The following BBS9 variants were observed in gnomAD, a reference collection of about 807,000 sequenced individuals.
The protein encoded by BBS9 is Bardet-Biedl syndrome 9.
BBS9 carries 89 observed loss-of-function variants against 117.7 expected under a neutral mutation model. That is an observed-to-expected ratio of 0.76 (90% CI 0.64 to 0.90). BBS9 has a LOEUF of 0.90. BBS9 is among the 40% of genes least tolerant of loss of function. BBS9 has a pLI of 0.00. For missense variants in BBS9, 982 were observed against 1,042.2 expected (o/e 0.94, Z 0.80); for synonymous variants, 379 against 370.9 (o/e 1.02, Z -0.25).
chr7:33,482,268 G>A (rs1842604091), intron 19 of BBS9, among the ~76,000 whole-genome samples: 1 of 152,200 alleles, frequency 6.6e-6, no homozygotes, highest in Non-Finnish European at 1.5e-5. Context: ...GAGTGGCAGA[G>A]GGAGGGCCTT....
intron 12 of BBS9, among the ~76,000 whole-genome samples, chr7:33,348,374 A>T (rs987897528): frequency 1.3e-5 from 2 of 152,126 alleles, no homozygotes; most frequent in Non-Finnish European, 2.9e-5. Flanking sequence ...AAAATTGCTA[A>T]TGGTTTTTAT....
rs754451024 is a variant in BBS9 at position 33,349,224 on chromosome 7, A to G, written c.1432+54A>G. The G allele has an allele frequency of 3.7e-5, 47 of 1,280,886 alleles. 1 individual carries two copies. The Middle Eastern group carries it at 6.3e-3, about 171-fold the overall frequency. The allele number at this position is 1,280,886 out of a possible 1,614,324, so 79.3% of individuals were successfully genotyped here. The stretch of plus-strand genomic sequence containing the variant: ...ACCATGGTGTGAATTTTTTAAAAAT[A>G]CTAGTTTGTTCATTTAATGGCTATT... On this transcript the variant is annotated intron_variant, in intron 13 of 22. Coordinates refer to ENST00000242067, the MANE Select transcript of BBS9 (RefSeq NM_198428.3).
chr7:33,414,000 G>A (rs773638802), intron 19 of BBS9, among the ~76,000 whole-genome samples: 19 of 151,946 alleles, frequency 1.3e-4, no homozygotes, highest in Non-Finnish European at 2.8e-4. Flanking sequence ...CTCCAGCCTG[G>A]ACAATAAAAG....
chr7:33,189,770 C>T (rs1783771207), intron 5 of BBS9, among the ~76,000 whole-genome samples: 1 of 151,488 alleles, frequency 6.6e-6, no homozygotes, highest in Non-Finnish European at 1.5e-5. Context: ...CCTGTAGTCC[C>T]AGCTACTCAG....
intron 21 of BBS9, among the ~76,000 whole-genome samples, chr7:33,565,795 A>C (rs1195435609): frequency 2.5e-5 from 1 of 40,418 alleles, no homozygotes; most frequent in Middle Eastern, 0.015. Flanking sequence ...ATATATATAT[A>C]TATATATATA....
chr7:33,474,774 C>T (rs1841568367), intron 19 of BBS9, among the ~76,000 whole-genome samples: 1 of 152,116 alleles, frequency 6.6e-6, no homozygotes, highest in African/African-American at 2.4e-5. Flanking sequence ...GGTGAAATCC[C>T]ATTTCTACTA....
At chr7:33,136,330 A>T (rs79271569) in intron 1 of BBS9, among the ~76,000 whole-genome samples, 1 of 151,974 alleles carries the variant, frequency 6.6e-6, no homozygotes, top group Non-Finnish European at 1.5e-5. Context: ...TTTTTTTCCA[A>T]TTTGGAAGCC....
At chr7:33,305,886 T>G (rs757187470) in intron 9 of BBS9, among the ~76,000 whole-genome samples, 1 of 152,096 alleles carries the variant, frequency 6.6e-6, no homozygotes. Context: ...TATTGTGTTC[T>G]TCATTTTAGT....
At position 33,464,374 on chromosome 7, in the gene BBS9, T is replaced by C. The variant is rs377375246; in HGVS notation, c.2116-41089T>C. Among the ~76,000 whole-genome samples the C allele has an allele frequency of 1.5e-4, 23 of 152,180 alleles. No homozygotes were observed. In the East Asian group the frequency reaches 4.5e-3, roughly 29 times the overall value. On this transcript the variant is annotated intron_variant, in intron 19 of 22. Transcript: ENST00000242067. ...TGGCTTTATTTTCTCTTCTGTAAAA[T>C]AGGAGTAATATCTCTTTTCTTCACA...
chr7:33,369,869 A>G (rs1822526315), intron 17 of BBS9, among the ~76,000 whole-genome samples: 1 of 152,224 alleles, frequency 6.6e-6, no homozygotes, highest in Admixed American at 6.5e-5. Flanking sequence ...GAAAAATCCT[A>G]CAAATGAAAG....
At chr7:33,425,344 ATTT>A (rs1179356735) in intron 19 of BBS9, among the ~76,000 whole-genome samples, 1 of 152,170 alleles carries the variant, frequency 6.6e-6, no homozygotes, top group African/African-American at 2.4e-5. Context: ...CTTTAAAAAA[ATTT>A]TTTATTTTAA....
chr7:33,227,633 C>T (rs922666954), intron 5 of BBS9, among the ~76,000 whole-genome samples: 1 of 152,004 alleles, frequency 6.6e-6, no homozygotes, highest in African/African-American at 2.4e-5. Context: ...CCCCTACCCC[C>T]AAAGTCCTCT....
At chr7:33,203,883 C>T (rs898720538) in intron 5 of BBS9, among the ~76,000 whole-genome samples, 4 of 151,304 alleles carry the variant, frequency 2.6e-5, no homozygotes, top group Admixed American at 1.3e-4. Flanking sequence ...ACACCACGCC[C>T]GTCTAATTTT....
chr7:33,362,837 C>T (rs980473942), intron 16 of BBS9, among the ~76,000 whole-genome samples: 2 of 151,914 alleles, frequency 1.3e-5, no homozygotes, highest in African/African-American at 4.8e-5. Context: ...GTATTGATTC[C>T]ATATATCAAT....
chr7:33,616,805 A>G lies in BBS9; in HGVS notation c.2522-18372A>G, dbSNP rs1266238331. Among the ~76,000 whole-genome samples the G allele has an allele frequency of 2.6e-5, 4 of 151,920 alleles. No individual in the cohort carries two copies. The East Asian group carries it at 7.7e-4, about 29-fold the overall frequency. ...AGTCTGGACTTTTACTGTAACCATC[A>G]CCCAAATAGTATACATTATATCCCA... On this transcript the variant is annotated intron_variant, in intron 21 of 21. Coordinates refer to the BBS9 transcript ENST00000671952.
At chr7:33,412,313 T>C (rs1247083641) in intron 19 of BBS9, among the ~76,000 whole-genome samples, 1 of 152,240 alleles carries the variant, frequency 6.6e-6, no homozygotes, top group Admixed American at 6.5e-5. Flanking sequence ...TAACGTTCAC[T>C]CCTGTGCCAC....
At chr7:33,463,589 G>C (rs1263441596) in intron 19 of BBS9, among the ~76,000 whole-genome samples, 4 of 151,882 alleles carry the variant, frequency 2.6e-5, no homozygotes, top group Admixed American at 2.6e-4. Flanking sequence ...TCTTATTTTT[G>C]TCTGAAATAA....
chr7:33,356,551 A>T (rs570670837), intron 15 of BBS9, among the ~76,000 whole-genome samples: 2 of 151,818 alleles, frequency 1.3e-5, no homozygotes. Flanking sequence ...GTAAAACTTG[A>T]TGGATAATAG....
intron 5 of BBS9, among the ~76,000 whole-genome samples, chr7:33,204,508 G>A: frequency 6.6e-6 from 1 of 152,038 alleles, no homozygotes; most frequent in East Asian, 1.9e-4. Flanking sequence ...AGCAGTGGAA[G>A]CTGTTATCAC....
Sources: allele counts gnomAD v4.1 joint callset (sites outside exome capture counted in the v4.1 genomes callset), GRCh38; gene constraint gnomAD v4.1.1; transcripts MANE v1.5; gene names NCBI Gene and HGNC (gene_info 2026-07-23, HGNC 2026-07-21).